Variants in ART1 observed in about 807,000 individuals in gnomAD.
The protein encoded by ART1 is GPI-linked NAD(P)(+)--arginine ADP-ribosyltransferase 1.
In ART1, 29 loss-of-function variants were observed where a neutral mutation model predicts 27.0. The observed-to-expected ratio is 1.08, with a 90% CI of 0.80 to 1.47. The LOEUF (loss-of-function observed/expected upper bound fraction) is 1.47. ART1 is among the 40% of genes most tolerant of loss of function. The probability of loss-of-function intolerance (pLI) is 0.00; values close to 1 mark genes in which losing one functional copy is unlikely to be tolerated. For synonymous variants in ART1, 201 were observed against 172.2 expected (o/e 1.17, Z -1.31); for missense variants, 480 against 423.0 (o/e 1.13, Z -1.18).
rs142979536 is a variant in ART1 at position 3,653,549 on chromosome 11, G to A, written c.-52-5613G>A. 1.3e-3 allele frequency among the ~76,000 whole-genome samples: 198 copies of A among 151,866 alleles called. 1 individual carries two copies. Among genetic ancestry groups the A allele is most frequent in the Non-Finnish European group, 9.1e-4 (62 of 68,014 alleles). ...ATCTCCCTTCGCTGACTCTCTTTTC[G>A]GACTCAGTCCACCTGCACTCAGGTG... On this transcript the variant is annotated intron_variant, in intron 1 of 4. Transcript: ENST00000250693.
chr11:3,649,749 A>C (rs547274698), intron 1 of ART1, among the ~76,000 whole-genome samples: 8 of 152,318 alleles, frequency 5.3e-5, no homozygotes, highest in Non-Finnish European at 1.0e-4. Context: ...AGGTGGCTGA[A>C]GCTAAAGGCG....
At position 3,659,101 on chromosome 11, in the gene ART1, C is replaced by T. The variant is rs964235827; in HGVS notation, c.-52-61C>T. The T allele has an allele frequency of 8.9e-6, 9 of 1,012,382 alleles. No homozygotes were observed. The Admixed American group carries it at 1.7e-4, about 19-fold the overall frequency. 62.7% of individuals were successfully genotyped at this position (1,012,382 alleles called of 1,614,324 possible). A position where few individuals can be genotyped will look rare whatever the true frequency, so the allele number is the denominator to read the frequency against. On this transcript the variant is annotated intron_variant, in intron 1 of 4. Transcript: ENST00000250693. The stretch of plus-strand genomic sequence containing the variant: ...TCTCAGTGCCAAGCACTAGGAATGG[C>T]ACAGACTAAGTGTCGATTCATGTTT...
At chr11:3,651,436 T>C (rs188596414) in intron 1 of ART1, among the ~76,000 whole-genome samples, 1,588 of 60,960 alleles carry the variant, frequency 0.026, 52 homozygotes, top group African/African-American at 0.1. Context: ...CTCCCAAACC[T>C]CAATCCCTTC....
intron 3 of ART1, among the ~76,000 whole-genome samples, chr11:3,661,002 T>C (rs1230396302): frequency 4.6e-5 from 7 of 152,190 alleles, no homozygotes. Context: ...TTACTTCCTA[T>C]CTTGGACAAC....
In ART1 at chr11:3,660,117, T is replaced by C. The variant is rs777796511; in HGVS notation, c.598T>C (p.Phe200Leu). 1.2e-6 allele frequency: 2 copies of C among 1,613,808 alleles called. No homozygotes were observed. The highest frequency in any genetic ancestry group is 3.3e-5 in the Admixed American group (2 of 60,016). Residue 200 changes from phenylalanine (F) to leucine (L), a missense_variant, in exon 3 of 5, where the codon TTT becomes CTT. Physicochemically the swap from Phe to Leu is conservative, Grantham distance 22 (BLOSUM62 0). Transcript: ENST00000250693. ...GPRATVRLGG[F>L]ASASLKHVAA... is the part of the protein sequence containing the mutation. ...CCGGGCCACCGTGAGGCTGGGGGGC[T>C]TTGCTTCTGCCTCCCTGAAGCATGT...
At chr11:3,645,988 A>C (rs552668594) in intron 1 of ART1, among the ~76,000 whole-genome samples, 48 of 152,042 alleles carry the variant, frequency 3.2e-4, no homozygotes, top group African/African-American at 1.2e-3. Flanking sequence ...GAGCCTGCAG[A>C]GGGTGCAGAG....
At chr11:3,658,644 C>T (rs2077593065) in intron 1 of ART1, among the ~76,000 whole-genome samples, 1 of 152,176 alleles carries the variant, frequency 6.6e-6, no homozygotes, top group Admixed American at 6.5e-5. Context: ...CCAAGCCCTG[C>T]TCTAAGTCTG....
Position 3,660,002 on chromosome 11 carries a change from C to T in ART1, c.483C>T (p.Ala161=), listed in dbSNP as rs1409409620. 2 of 1,613,928 alleles carry T rather than the reference C, an allele frequency of 1.2e-6. No homozygotes were observed. The highest frequency in any genetic ancestry group is 1.7e-6 in the Non-Finnish European group (2 of 1,179,976). The change falls in exon 3 of 5, where the codon GCC becomes GCT. Residue 161 remains alanine, a synonymous_variant. Coordinates refer to ENST00000250693, the MANE Select transcript of ART1 (RefSeq NM_004314.3). ...FKTLHFLLTE[A]LQLLGSGQRP... ...CACTCCATTTCCTGCTGACTGAGGC[C>T]CTGCAGCTCCTGGGCAGCGGCCAGC... is the stretch of plus-strand genomic sequence containing the variant.
chr11:3,653,303 T>A (rs2077541443), intron 1 of ART1, among the ~76,000 whole-genome samples: 1 of 148,734 alleles, frequency 6.7e-6, no homozygotes, highest in East Asian at 1.9e-4. Flanking sequence ...GGCCGGTTCC[T>A]GCCTTAACTG....
Position 3,656,642 on chromosome 11 carries a change from G to A in ART1, c.-52-2520G>A, listed in dbSNP as rs535617149. On this transcript the variant is annotated intron_variant, in intron 1 of 4. Transcript: ENST00000250693. ...GGTGATCCGCCCACCTCAGCCTCCC[G>A]GAGTTGTCCGGATGTATTTTTTTAT... 1.6e-4 allele frequency among the ~76,000 whole-genome samples: 24 copies of A among 151,982 alleles called. No homozygotes were observed. In the South Asian group the frequency reaches 2.5e-3, roughly 16 times the overall value.
At chr11:3,650,439 C>T (rs112885006) in intron 1 of ART1, among the ~76,000 whole-genome samples, 5,974 of 152,272 alleles carry the variant, frequency 0.039, 380 homozygotes, top group African/African-American at 0.13. Flanking sequence ...TCGGAAGCCC[C>T]CTAGACCATC....
chr11:3,653,397 C>G (rs564167881), intron 1 of ART1, among the ~76,000 whole-genome samples: 1 of 148,080 alleles, frequency 6.8e-6, no homozygotes, highest in African/African-American at 2.6e-5. Context: ...CTTCTCCTGG[C>G]TCATCCTGGC....
At chr11:3,648,472 A>G (rs944880715) in intron 1 of ART1, among the ~76,000 whole-genome samples, 6 of 151,814 alleles carry the variant, frequency 4.0e-5, no homozygotes, top group Non-Finnish European at 7.4e-5. Context: ...GACTCTTTTT[A>G]CTCACTTCTC....
chr11:3,649,705 C>G (rs1330893823), intron 1 of ART1, among the ~76,000 whole-genome samples: 1 of 152,144 alleles, frequency 6.6e-6, no homozygotes. Flanking sequence ...CATGACTAGC[C>G]CTCCCCAACC....
intron 4 of ART1, 87 bp from the exon 5 acceptor site, chr11:3,664,005 G>C (rs1380244981): frequency 8.0e-7 from 1 of 1,251,238 alleles, no homozygotes; most frequent in Non-Finnish European, 1.1e-6. Context: ...CCTTGTATCT[G>C]CATGTCCCCA....
rs2077609903 is a variant in ART1, at chr11:3,660,247, T to A, written c.728T>A (p.Ile243Asn). The A allele has an allele frequency of 6.2e-7, 1 of 1,613,120 alleles. No individual in the cohort carries two copies. The highest frequency in any genetic ancestry group is 1.3e-5 in the African/African-American group (1 of 74,802). Residue 243 changes from isoleucine (I) to asparagine (N), a missense_variant, in exon 3 of 5, where the codon ATC becomes AAC. Physicochemically the swap from Ile to Asn is moderately radical, Grantham distance 149 (BLOSUM62 -3). Coordinates refer to ENST00000250693, the MANE Select transcript of ART1 (RefSeq NM_004314.3). Reference sequence around the variant, plus strand: ...TTCCCTGGAGAGGAAGAGGTGCTGATCCCCCCCTTTGAGACCTTCCAAGTG... The same window carrying A: ...TTCCCTGGAGAGGAAGAGGTGCTGAACCCCCCCTTTGAGACCTTCCAAGTG... ...SFFPGEEEVLIPPFETFQVIN... is the reference protein window; with the variant it reads ...SFFPGEEEVLNPPFETFQVIN...
At position 3,647,570 on chromosome 11, in the gene ART1, G is replaced by T. The variant is rs147583195; in HGVS notation, c.-53+2391G>T. Reference sequence around the variant, plus strand: ...AATCACTTGAACCCGGGAGGTAGAGGTTGAAGTGAGCCGAGATTGCACCAC... The same window carrying T: ...AATCACTTGAACCCGGGAGGTAGAGTTTGAAGTGAGCCGAGATTGCACCAC... On this transcript the variant is annotated intron_variant, in intron 1 of 4. Transcript: ENST00000250693. 4.0e-3 allele frequency among the ~76,000 whole-genome samples: 611 copies of T among 152,056 alleles called. 3 individuals are homozygous for T. Among genetic ancestry groups the T allele is most frequent in the African/African-American group, 0.012 (512 of 41,450 alleles).
intron 1 of ART1, among the ~76,000 whole-genome samples, chr11:3,649,964 TAAATA>T (rs2077505916): frequency 6.6e-6 from 1 of 152,176 alleles, no homozygotes; most frequent in Admixed American, 6.5e-5. Flanking sequence ...CTCCTGACAT[TAAATA>T]AAACTCCAAA....
In ART1 at chr11:3,661,516, CAG is replaced by C; in HGVS notation, c.886+106_886+107del. 3 of 496,154 alleles carry C rather than the reference CAG, an allele frequency of 6.0e-6. No homozygotes were observed. In the South Asian group the frequency reaches 7.5e-5, roughly 12 times the overall value. 30.7% of individuals were successfully genotyped at this position (496,154 alleles called of 1,614,324 possible). On this transcript the variant is annotated intron_variant, in intron 4 of 4. Transcript: ENST00000250693. ...TTTTTTTTTTTTTTTTTTTTTGAGA[CAG>C]AGTTTCACTCTTGTTGCCCAGGCTG...
Sources: gnomAD v4.1 joint callset for allele counts (sites outside exome capture counted in the v4.1 genomes callset) on GRCh38, gnomAD v4.1.1 for gene constraint, MANE v1.5 for transcripts, NCBI Gene and HGNC (gene_info 2026-07-23, HGNC 2026-07-21) for gene names.